Variants in FOXN3 observed in about 807,000 individuals in gnomAD.
FOXN3 encodes forkhead box protein N3.
A neutral mutation model predicts 38.4 loss-of-function variants in FOXN3; 7 were observed. The observed-to-expected ratio is 0.18, with a 90% confidence interval of 0.10 to 0.34. The LOEUF (loss-of-function observed/expected upper bound fraction) is 0.34. FOXN3 is among the 10% of genes least tolerant of loss of function. The pLI, the probability that FOXN3 is intolerant of heterozygous loss-of-function variation, is 1.00. For missense variants in FOXN3, 456 were observed against 613.4 expected (o/e 0.74, Z 2.71); for synonymous variants, 230 against 242.2 (o/e 0.95, Z 0.47).
chr14:89,505,314 T>TCTGATGC (rs1212330235), intron 1 of FOXN3, among the ~76,000 whole-genome samples: 1 of 102,750 alleles, frequency 9.7e-6, no homozygotes, highest in African/African-American at 3.7e-5. Context: ...ACGGTCTCCC[T>TCTGATGC]CTGATGCCGA....
At chr14:89,169,508 T>TACACACACAC (rs56217837) in intron 5 of FOXN3, among the ~76,000 whole-genome samples, 3,002 of 150,214 alleles carry the variant, frequency 0.02, 33 homozygotes, top group Middle Eastern at 0.027. Context: ...ACTAAGTGGT[T>TACACACACAC]ACACACACAC....
intron 1 of FOXN3, among the ~76,000 whole-genome samples, chr14:89,441,777 T>C (rs72703652): frequency 0.05 from 7,582 of 152,216 alleles, 270 homozygotes; most frequent in Middle Eastern, 0.085. Context: ...AGGCAGGAAG[T>C]TGGGATCCTG....
chr14:89,472,936 C>G (rs1893136405), intron 1 of FOXN3, among the ~76,000 whole-genome samples: 1 of 152,182 alleles, frequency 6.6e-6, no homozygotes. Context: ...TCAGCAAACA[C>G]ATTTCCAGGG....
intron 1 of FOXN3, among the ~76,000 whole-genome samples, chr14:89,593,274 T>C (rs1438038557): frequency 6.6e-6 from 1 of 151,716 alleles, no homozygotes; most frequent in Non-Finnish European, 1.5e-5. Context: ...GAGAAGTATG[T>C]TTAGAGAGAG....
At chr14:89,400,447 G>A (rs920462825) in intron 2 of FOXN3, among the ~76,000 whole-genome samples, 1 of 152,084 alleles carries the variant, frequency 6.6e-6, no homozygotes, top group South Asian at 2.1e-4. Context: ...TTAGATGTCC[G>A]CAAACCATCT....
Position 89,164,106 on chromosome 14 carries a change from C to T in FOXN3, c.852-1137G>A, listed in dbSNP as rs142465278. Among the ~76,000 whole-genome samples, 12 of 152,334 alleles carry T rather than the reference C, an allele frequency of 7.9e-5. No homozygotes were observed. The highest frequency in any genetic ancestry group is 5.8e-4 in the East Asian group (3 of 5,188). The stretch of plus-strand genomic sequence containing the variant: ...TTAATGCCTGCAGGTGCCTGGACCA[C>T]GGCTTGGCCTGACAGCAATGGCTGT... On this transcript the variant is annotated intron_variant, in intron 5 of 5. Coordinates refer to ENST00000557258, the MANE Select transcript of FOXN3 (RefSeq NM_005197.4). This position sits in a 1 kb window ranked among gnomAD's most constrained non-coding sequence, Gnocchi z 4.3.
chr14:89,495,410 T>G (rs1470369925), intron 1 of FOXN3, among the ~76,000 whole-genome samples: 1 of 152,172 alleles, frequency 6.6e-6, no homozygotes, highest in African/African-American at 2.4e-5. Context: ...ACTATGATAA[T>G]AATAATAAAT....
chr14:89,430,824 A>G (rs1053666099), intron 1 of FOXN3, among the ~76,000 whole-genome samples: 3 of 152,232 alleles, frequency 2.0e-5, no homozygotes, highest in African/African-American at 7.2e-5. Flanking sequence ...TGCCTAACCA[A>G]AAGTAAAAGC....
Position 89,158,136 on chromosome 14 carries a change from C to T in FOXN3, c.*4278G>A, listed in dbSNP as rs1271523446. On this transcript the variant is annotated 3_prime_UTR_variant, in exon 6 of 6. Coordinates refer to ENST00000557258, the MANE Select transcript of FOXN3 (RefSeq NM_005197.4). ...CCAATTCCTTCTCCAAGAGCCCTTCCAGGAGAGGCCCAAGGCGCCCCCCAC... is the reference window on the plus strand; with the variant it reads ...CCAATTCCTTCTCCAAGAGCCCTTCTAGGAGAGGCCCAAGGCGCCCCCCAC... 1 of 152,276 alleles carries T rather than the reference C, an allele frequency of 6.6e-6. No homozygotes were observed. The highest frequency in any genetic ancestry group is 1.5e-5 in the Non-Finnish European group (1 of 68,088). The allele number at this position is 152,276 out of a possible 1,614,324, so 9.4% of individuals were successfully genotyped here. A position where few individuals can be genotyped will look rare whatever the true frequency, so the allele number is the denominator to read the frequency against.
chr14:89,594,412 A>C (rs953981873), intron 1 of FOXN3, among the ~76,000 whole-genome samples: 3 of 152,344 alleles, frequency 2.0e-5, no homozygotes, highest in Non-Finnish European at 4.4e-5. Flanking sequence ...ATTGTGGTGG[A>C]CATGGAGTCA....
At chr14:89,401,667 G>A (rs1364328463) in intron 2 of FOXN3, 1 of 455,686 alleles carries the variant, frequency 2.2e-6, no homozygotes, top group African/African-American at 2.0e-5. Flanking sequence ...CACATGACTT[G>A]GCCTTCTAAA....
chr14:89,614,213 A>G (rs1312735251), intron 1 of FOXN3, among the ~76,000 whole-genome samples: 1 of 152,206 alleles, frequency 6.6e-6, no homozygotes, highest in Non-Finnish European at 1.5e-5. Flanking sequence ...ATATGAAATT[A>G]TTTTCACTGA....
intron 4 of FOXN3, among the ~76,000 whole-genome samples, chr14:89,224,625 G>A (rs773630815): frequency 1.3e-5 from 2 of 152,186 alleles, no homozygotes; most frequent in African/African-American, 2.4e-5. Flanking sequence ...TCATCTGGTA[G>A]GAGAGATGTA....
intron 3 of FOXN3, among the ~76,000 whole-genome samples, chr14:89,293,761 G>T (rs944024773): frequency 2.0e-5 from 3 of 152,030 alleles, no homozygotes; most frequent in Non-Finnish European, 4.4e-5. Context: ...GTTGGGGGTA[G>T]GGGGAGAGAA....
chr14:89,593,307 AAT>A (rs1895996029), intron 1 of FOXN3, among the ~76,000 whole-genome samples: 1 of 151,032 alleles, frequency 6.6e-6, no homozygotes, highest in Non-Finnish European at 1.5e-5. Flanking sequence ...AGAGAAAACA[AAT>A]ATATATAAAT....
At chr14:89,605,325 T>C (rs1030808983) in intron 1 of FOXN3, among the ~76,000 whole-genome samples, 1 of 152,292 alleles carries the variant, frequency 6.6e-6, no homozygotes, top group East Asian at 1.9e-4. Context: ...TAAGTATGCA[T>C]GTTAAAATTT....
chr14:89,275,288 G>C (rs1053859600), intron 4 of FOXN3, among the ~76,000 whole-genome samples: 1 of 152,124 alleles, frequency 6.6e-6, no homozygotes, highest in Non-Finnish European at 1.5e-5. Context: ...ACCCGCAGCA[G>C]ACACAGCTGG....
chr14:89,299,919 T>C (rs371542472), intron 3 of FOXN3, among the ~76,000 whole-genome samples: 15 of 152,226 alleles, frequency 9.9e-5, no homozygotes, highest in South Asian at 8.3e-4. Flanking sequence ...ACATGGTGAG[T>C]AAAAATATCA....
intron 1 of FOXN3, among the ~76,000 whole-genome samples, chr14:89,438,786 G>C (rs921038334): frequency 2.0e-5 from 3 of 149,134 alleles, no homozygotes; most frequent in African/African-American, 7.4e-5. Flanking sequence ...TTTTTGAGAC[G>C]ATGTTTCACT....
Sources: gnomAD v4.1 joint callset for allele counts (sites outside exome capture counted in the v4.1 genomes callset) on GRCh38, gnomAD v4.1.1 for gene constraint, Gnocchi (gnomAD v3.1) non-coding constraint, MANE v1.5 for transcripts, NCBI Gene and HGNC (gene_info 2026-07-23, HGNC 2026-07-21) for gene names.